Variants in SPATS2 observed in about 807,000 individuals in gnomAD.
SPATS2 encodes spermatogenesis-associated serine-rich protein 2.
SPATS2 carries 38 observed loss-of-function variants against 63.7 expected under a neutral mutation model. The ratio of observed to expected loss-of-function variants is 0.60; its 90% CI spans 0.46 to 0.78. The LOEUF is 0.78. SPATS2 is among the 30% of genes least tolerant of loss of function. The pLI is 0.00. For synonymous variants in SPATS2, 207 were observed against 232.9 expected, an observed-to-expected ratio of 0.89 and a Z score of 1.01; for missense variants, 588 against 666.2, an observed-to-expected ratio of 0.88 and a Z score of 1.29.
chr12:49,411,629 T>C (rs1944799194), intron 2 of SPATS2, among the ~76,000 whole-genome samples: 1 of 152,156 alleles, frequency 6.6e-6, no homozygotes, highest in Admixed American at 6.6e-5. Context: ...TTATATTTGA[T>C]TTTTTCCTCT....
At chr12:49,445,663 G>C (rs1565726029) in intron 2 of SPATS2, among the ~76,000 whole-genome samples, 2 of 151,910 alleles carry the variant, frequency 1.3e-5, no homozygotes, top group Non-Finnish European at 2.9e-5. Context: ...GACTGCAGGT[G>C]TGTGTCACCA....
intron 2 of SPATS2, among the ~76,000 whole-genome samples, chr12:49,456,908 A>G (rs1180256782): frequency 6.6e-6 from 1 of 151,962 alleles, no homozygotes; most frequent in African/African-American, 2.4e-5. Flanking sequence ...ATCTTCTATT[A>G]TAATTGTTTT....
At chr12:49,388,147 G>T (rs904533322) in intron 2 of SPATS2, among the ~76,000 whole-genome samples, 3 of 152,038 alleles carry the variant, frequency 2.0e-5, no homozygotes, top group African/African-American at 4.8e-5. Context: ...AAGATTTTTT[G>T]ATTAATATTT....
chr12:49,486,631 T>C (rs980290497), intron 4 of SPATS2, among the ~76,000 whole-genome samples: 1 of 152,120 alleles, frequency 6.6e-6, no homozygotes, highest in Non-Finnish European at 1.5e-5. Context: ...ACTTGTATGG[T>C]TTTTTTATTT....
intron 1 of SPATS2, among the ~76,000 whole-genome samples, chr12:49,370,960 C>T (rs778553870): frequency 2.0e-5 from 3 of 152,208 alleles, no homozygotes; most frequent in Admixed American, 6.5e-5. Context: ...GCAATCCACC[C>T]GCCTTGGCCT....
intron 2 of SPATS2, chr12:49,389,466 C>T: frequency 1.4e-6 from 1 of 727,290 alleles, no homozygotes; most frequent in Non-Finnish European, 2.5e-6. Context: ...GAGTCCTCAT[C>T]GCCACAGCTG....
intron 2 of SPATS2, among the ~76,000 whole-genome samples, chr12:49,377,001 C>A (rs1944118740): frequency 6.6e-6 from 1 of 152,182 alleles, no homozygotes; most frequent in South Asian, 2.1e-4. Flanking sequence ...CAGGCATGAG[C>A]CACCTCACCC....
chr12:49,413,465 T>A (rs1944834296), intron 2 of SPATS2, among the ~76,000 whole-genome samples: 2 of 152,030 alleles, frequency 1.3e-5, no homozygotes, highest in African/African-American at 4.8e-5. Flanking sequence ...GTTCAAGTGA[T>A]CCTCCTGCCT....
chr12:49,512,942 C>T (rs1258611953), intron 9 of SPATS2: 5 of 1,279,532 alleles, frequency 3.9e-6, no homozygotes, highest in Non-Finnish European at 5.1e-6. Flanking sequence ...TATTGCTACC[C>T]CACAATAATT....
intron 2 of SPATS2, among the ~76,000 whole-genome samples, chr12:49,455,464 G>A (rs938978301): frequency 2.0e-5 from 3 of 152,192 alleles, no homozygotes; most frequent in African/African-American, 7.2e-5. Flanking sequence ...CTAGAGTTCA[G>A]TGGCACAGTC....
At chr12:49,442,677 A>T (rs951006646) in intron 2 of SPATS2, 2 of 150,092 alleles carry the variant, frequency 1.3e-5, no homozygotes, top group East Asian at 2.0e-4. Flanking sequence ...CACTGTGTTG[A>T]TTAGGCTGAG....
intron 2 of SPATS2, among the ~76,000 whole-genome samples, chr12:49,441,194 A>T (rs1439859308): frequency 1.3e-5 from 2 of 152,176 alleles, no homozygotes; most frequent in African/African-American, 4.8e-5. Flanking sequence ...TCTTACTGCT[A>T]CATTCCTCAC....
At chr12:49,457,523 T>A (rs1040654212) in intron 2 of SPATS2, among the ~76,000 whole-genome samples, 1 of 151,794 alleles carries the variant, frequency 6.6e-6, no homozygotes, top group African/African-American at 2.4e-5. Context: ...AACCTCCGCC[T>A]CCCGGGTTCA....
At chr12:49,479,819 ATATCAAGGTACTG>A (rs1201258086) in intron 3 of SPATS2, among the ~76,000 whole-genome samples, 1 of 152,248 alleles carries the variant, frequency 6.6e-6, no homozygotes, top group Non-Finnish European at 1.5e-5. Flanking sequence ...GAAAGGCTAT[ATATCAAGGTACTG>A]TTAAAATAAT....
intron 2 of SPATS2, among the ~76,000 whole-genome samples, chr12:49,429,767 T>C (rs1262974159): frequency 1.4e-5 from 2 of 138,036 alleles, no homozygotes; most frequent in Admixed American, 7.4e-5. Context: ...AGAATTTAGG[T>C]CTTTCTCTTC....
At chr12:49,431,239 A>T (rs1297749120) in intron 2 of SPATS2, among the ~76,000 whole-genome samples, 1 of 151,896 alleles carries the variant, frequency 6.6e-6, no homozygotes, top group Non-Finnish European at 1.5e-5. Flanking sequence ...CTTAATAAAT[A>T]TATAAAGAAC....
chr12:49,392,643 G>A lies in SPATS2; in HGVS notation c.-244+21353G>A, dbSNP rs548977114. On this transcript the variant is annotated intron_variant, in intron 2 of 13. Coordinates refer to ENST00000552918, the MANE Select transcript of SPATS2 (RefSeq NM_023071.4). ...CAGGAGAATTGTTTGAACCCGGGAG[G>A]CAGAGGTTGCGGTGAGCCGAGATCT... Among the ~76,000 whole-genome samples the A allele has an allele frequency of 6.6e-5, 10 of 150,436 alleles. No individual in the cohort carries two copies. The East Asian group carries it at 1.4e-3, about 21-fold the overall frequency.
intron 2 of SPATS2, among the ~76,000 whole-genome samples, chr12:49,424,725 G>A (rs922213809): frequency 6.6e-6 from 1 of 152,138 alleles, no homozygotes; most frequent in Non-Finnish European, 1.5e-5. Flanking sequence ...TGCCCAGCCT[G>A]GAGTGAAGTG....
chr12:49,402,558 G>A (rs1251810144), intron 2 of SPATS2, among the ~76,000 whole-genome samples: 2 of 152,160 alleles, frequency 1.3e-5, no homozygotes, highest in Non-Finnish European at 2.9e-5. Context: ...GGTAAAGGAC[G>A]AGATTGTCGT....
Sources: gnomAD v4.1 joint callset for allele counts (sites outside exome capture counted in the v4.1 genomes callset) on GRCh38, gnomAD v4.1.1 for gene constraint, MANE v1.5 for transcripts, NCBI Gene and HGNC (gene_info 2026-07-23, HGNC 2026-07-21) for gene names.